PTPRR: variants seen among roughly 807,000 people sequenced by gnomAD.
PTPRR encodes protein tyrosine phosphatase receptor type R.
A neutral mutation model predicts 77.2 loss-of-function variants in PTPRR; 38 were observed. The observed-to-expected ratio is 0.49, with a 90% CI of 0.38 to 0.65. The LOEUF (loss-of-function observed/expected upper bound fraction) is 0.65. Among genes scored for constraint, PTPRR ranks in the 30% least tolerant of loss-of-function variants. The pLI, the probability that PTPRR is intolerant of heterozygous loss-of-function variation, is 0.00. For missense variants in PTPRR, 744 were observed against 799.2 expected, an observed-to-expected ratio of 0.93 and a Z score of 0.83; for synonymous variants, 299 against 283.1, an observed-to-expected ratio of 1.06 and a Z score of -0.57.
chr12:70,710,132 T>A (rs1243966503), intron 6 of PTPRR, among the ~76,000 whole-genome samples: 1 of 152,186 alleles, frequency 6.6e-6, no homozygotes, highest in Non-Finnish European at 1.5e-5. Context: ...GGAGGCATCA[T>A]GCTACCTGAC....
intron 2 of PTPRR, among the ~76,000 whole-genome samples, chr12:70,859,461 G>A (rs78491363): frequency 0.029 from 4,335 of 152,044 alleles, 100 homozygotes; most frequent in Non-Finnish European, 0.045. Context: ...ATAAAAGCAC[G>A]TTTATGTACT....
intron 2 of PTPRR, among the ~76,000 whole-genome samples, chr12:70,779,029 G>A (rs1891147501): frequency 6.6e-6 from 1 of 152,056 alleles, no homozygotes; most frequent in South Asian, 2.1e-4. Context: ...TGTATTTTTA[G>A]TAGAGACAGG....
chr12:70,800,939 C>T (rs1891604614), intron 2 of PTPRR, among the ~76,000 whole-genome samples: 1 of 151,584 alleles, frequency 6.6e-6, no homozygotes, highest in African/African-American at 2.4e-5. Context: ...CCTAAGGCCA[C>T]ATGCCTATTA....
chr12:70,835,052 G>A (rs1043215511), intron 2 of PTPRR, among the ~76,000 whole-genome samples: 4 of 152,052 alleles, frequency 2.6e-5, no homozygotes, highest in African/African-American at 9.7e-5. Flanking sequence ...TTTCTCTTCT[G>A]TAAAATGGGA....
intron 2 of PTPRR, among the ~76,000 whole-genome samples, chr12:70,886,854 C>T (rs534000271): frequency 6.6e-6 from 1 of 152,160 alleles, no homozygotes; most frequent in East Asian, 1.9e-4. Flanking sequence ...ACTGGAAATA[C>T]AGCAGGAACA....
intron 2 of PTPRR, among the ~76,000 whole-genome samples, chr12:70,874,599 G>A (rs1448746170): frequency 2.6e-5 from 4 of 152,092 alleles, no homozygotes; most frequent in African/African-American, 9.7e-5. Flanking sequence ...TATCTTTCGG[G>A]AAACAATTCA....
intron 10 of PTPRR, among the ~76,000 whole-genome samples, chr12:70,681,912 CTG>C (rs201085154): frequency 0.02 from 3,079 of 151,472 alleles, 59 homozygotes; most frequent in Admixed American, 0.038. Context: ...TTTTTGAATT[CTG>C]TGATTTCTCA....
At chr12:70,897,628 C>A (rs560013634) in intron 1 of PTPRR, among the ~76,000 whole-genome samples, 43 of 152,082 alleles carry the variant, frequency 2.8e-4, no homozygotes, top group African/African-American at 9.9e-4. Context: ...CTAGAAATAC[C>A]ATTTGACCCA....
chr12:70,734,271 A>T (rs1889786908), intron 6 of PTPRR, among the ~76,000 whole-genome samples: 1 of 152,182 alleles, frequency 6.6e-6, no homozygotes, highest in Non-Finnish European at 1.5e-5. Flanking sequence ...ACTCTAATTA[A>T]TCACATGTAG....
chr12:70,815,567 T>C (rs1379069305), intron 2 of PTPRR, among the ~76,000 whole-genome samples: 1 of 152,110 alleles, frequency 6.6e-6, no homozygotes, highest in Non-Finnish European at 1.5e-5. Context: ...ACCGTTAATA[T>C]AAGGAGGGTG....
intron 2 of PTPRR, among the ~76,000 whole-genome samples, chr12:70,818,620 T>G (rs1450228331): frequency 6.6e-6 from 1 of 152,180 alleles, no homozygotes; most frequent in Non-Finnish European, 1.5e-5. Context: ...TTACAGTGAT[T>G]TAAGTCATGG....
intron 2 of PTPRR, among the ~76,000 whole-genome samples, chr12:70,891,090 G>A (rs1025764996): frequency 1.3e-5 from 2 of 152,080 alleles, no homozygotes; most frequent in Non-Finnish European, 1.5e-5. Context: ...GCTAGGGAAA[G>A]CTAATGCAGC....
intron 2 of PTPRR, among the ~76,000 whole-genome samples, chr12:70,796,224 G>A (rs370531143): frequency 2.0e-5 from 3 of 151,922 alleles, no homozygotes; most frequent in Admixed American, 1.3e-4. Context: ...ATGCCTGGCC[G>A]TATTTAGCAG....
chr12:70,863,528 T>C (rs919730459), intron 2 of PTPRR, among the ~76,000 whole-genome samples: 6 of 152,134 alleles, frequency 3.9e-5, no homozygotes, highest in Non-Finnish European at 5.9e-5. Context: ...ACTTTGAAGG[T>C]AACCATTCTA....
chr12:70,743,997 A>G (rs1481146934), intron 6 of PTPRR, among the ~76,000 whole-genome samples: 2 of 152,152 alleles, frequency 1.3e-5, no homozygotes, highest in Admixed American at 1.3e-4. Context: ...TATCTACTAT[A>G]GATAACATGG....
chr12:70,833,561 G>A (rs775887910), intron 2 of PTPRR, among the ~76,000 whole-genome samples: 2 of 152,142 alleles, frequency 1.3e-5, no homozygotes, highest in Non-Finnish European at 2.9e-5. Context: ...AACAGAGGAG[G>A]ATGACTTGTG....
intron 2 of PTPRR, among the ~76,000 whole-genome samples, chr12:70,882,840 A>T (rs572697846): frequency 6.6e-6 from 1 of 152,326 alleles, no homozygotes; most frequent in South Asian, 2.1e-4. Context: ...CCTATAAAAT[A>T]GCAATAACAT....
chr12:70,740,493 C>T (rs1387831420), intron 6 of PTPRR, among the ~76,000 whole-genome samples: 2 of 152,052 alleles, frequency 1.3e-5, no homozygotes, highest in Non-Finnish European at 2.9e-5. Flanking sequence ...CCACCTCAGC[C>T]TCCTGAGTAG....
intron 2 of PTPRR, among the ~76,000 whole-genome samples, chr12:70,858,865 G>T (rs971746276): frequency 6.6e-6 from 1 of 151,826 alleles, no homozygotes; most frequent in South Asian, 2.1e-4. Context: ...GTTGAGTCCT[G>T]ATAACTGCCT....
Sources: gnomAD v4.1 joint callset for allele counts (sites outside exome capture counted in the v4.1 genomes callset) on GRCh38, gnomAD v4.1.1 for gene constraint, MANE v1.5 for transcripts, NCBI Gene and HGNC (gene_info 2026-07-23, HGNC 2026-07-21) for gene names.